Variants in IL1RAPL2 observed in about 807,000 individuals in gnomAD.
The protein encoded by IL1RAPL2 is interleukin 1 receptor accessory protein like 2.
IL1RAPL2 carries 3 observed loss-of-function variants against 44.1 expected under a neutral mutation model. That is an observed-to-expected ratio of 0.07 (90% CI 0.03 to 0.18). The LOEUF (loss-of-function observed/expected upper bound fraction) is 0.18. Ranked by LOEUF, IL1RAPL2 falls within the 10% of genes least tolerant of loss-of-function variation. IL1RAPL2 has a pLI of 1.00. For synonymous variants in IL1RAPL2, 181 were observed against 178.8 expected (o/e 1.01, Z -0.10); for missense variants, 391 against 496.4 (o/e 0.79, Z 2.02).
At chrX:104,854,291 A>T (rs1374221773) in intron 2 of IL1RAPL2, among the ~76,000 whole-genome samples, 1 of 110,666 alleles carries the variant, frequency 9.0e-6, no homozygotes, top group African/African-American at 3.3e-5. Context: ...TTTTTTTTTT[A>T]AAGGTATCAT....
chrX:104,852,464 T>C (rs973889843), intron 2 of IL1RAPL2, among the ~76,000 whole-genome samples: 2 of 112,062 alleles, frequency 1.8e-5, no homozygotes, highest in Non-Finnish European at 1.9e-5. Context: ...CATTATCAGA[T>C]GTTTTTGCAT....
rs755792678 is a variant in IL1RAPL2 at position 105,500,713 on chromosome X, G to C, written c.772+16326G>C. Among the ~76,000 whole-genome samples the C allele has an allele frequency of 1.8e-4, 20 of 111,871 alleles. No homozygotes were observed. In the South Asian group the frequency reaches 7.4e-3, roughly 42 times the overall value. On this transcript the variant is annotated intron_variant, in intron 6 of 10. Coordinates refer to ENST00000372582, the MANE Select transcript of IL1RAPL2 (RefSeq NM_017416.2). The stretch of plus-strand genomic sequence containing the variant: ...ATAACTCTCCCTTACTTGCCCAAAA[G>C]AGAAAATACTAATTCCTTACATTGA...
rs1239986382 is a variant in IL1RAPL2, at chrX:105,057,993, G to A, written c.83-137482G>A. Among the ~76,000 whole-genome samples the A allele has an allele frequency of 7.7e-5, 8 of 103,657 alleles. No homozygotes were observed. The Admixed American group carries it at 8.5e-4, about 11-fold the overall frequency. 90.0% of individuals were successfully genotyped at this position (103,657 alleles called of 115,157 possible). On this transcript the variant is annotated intron_variant, in intron 2 of 10. Transcript: ENST00000372582. ...AGATGGAGTCTCACTCTGTCGCCCA[G>A]GCTGGAGTGCAGTGGTGCGATCTCG...
chrX:105,680,393 T>G (rs2037914197), intron 6 of IL1RAPL2, among the ~76,000 whole-genome samples: 1 of 112,448 alleles, frequency 8.9e-6, no homozygotes, highest in South Asian at 3.7e-4. Flanking sequence ...CTGAGAACCC[T>G]GGAAGCCAGA....
rs188865994 is a variant in IL1RAPL2 at position 105,687,083 on chromosome X, G to A, written c.773-30284G>A. 9.9e-3 allele frequency among the ~76,000 whole-genome samples: 1,104 copies of A among 111,764 alleles called. 22 individuals carry two copies. Among genetic ancestry groups the A allele is most frequent in the African/African-American group, 0.034 (1,053 of 30,752 alleles). Reference sequence around the variant, plus strand: ...GGACACATTTAAAGCAGTATGTAGAGGGAAATTTATAGCACTAAATGCCCA... The same window carrying A: ...GGACACATTTAAAGCAGTATGTAGAAGGAAATTTATAGCACTAAATGCCCA... On this transcript the variant is annotated intron_variant, in intron 6 of 10. Transcript: ENST00000372582.
intron 6 of IL1RAPL2, among the ~76,000 whole-genome samples, chrX:105,555,393 C>T (rs1890489956): frequency 9.0e-6 from 1 of 111,357 alleles, no homozygotes; most frequent in African/African-American, 3.3e-5. Flanking sequence ...TTTCAGGGAT[C>T]AAAGTCCTGT....
intron 2 of IL1RAPL2, among the ~76,000 whole-genome samples, chrX:104,758,572 G>T (rs1000713067): frequency 9.0e-6 from 1 of 111,228 alleles, no homozygotes; most frequent in Admixed American, 9.6e-5. Flanking sequence ...GATGTAGGAC[G>T]GTTGATACAG....
chrX:105,548,808 A>G (rs192902648), intron 6 of IL1RAPL2, among the ~76,000 whole-genome samples: 55 of 112,303 alleles, frequency 4.9e-4, no homozygotes, highest in African/African-American at 1.8e-3. Flanking sequence ...ACATATGTAA[A>G]TGGATTAACA....
chrX:105,330,577 C>A (rs2034978521), intron 5 of IL1RAPL2, among the ~76,000 whole-genome samples: 1 of 111,312 alleles, frequency 9.0e-6, no homozygotes, highest in South Asian at 3.7e-4. Flanking sequence ...CACCATGTTA[C>A]CTAAAAAATA....
chrX:105,613,229 A>G (rs2037349503), intron 6 of IL1RAPL2, among the ~76,000 whole-genome samples: 1 of 111,499 alleles, frequency 9.0e-6, no homozygotes, highest in South Asian at 3.8e-4. Context: ...TCTGAGCCAG[A>G]AGAGAACCCA....
chrX:104,911,210 A>G (rs1924228060), intron 2 of IL1RAPL2, among the ~76,000 whole-genome samples: 1 of 111,911 alleles, frequency 8.9e-6, no homozygotes, highest in Non-Finnish European at 1.9e-5. Context: ...TTTTATTGGA[A>G]AATTTTCTCT....
At chrX:104,593,056 C>T (rs181729596) in intron 1 of IL1RAPL2, among the ~76,000 whole-genome samples, 27 of 111,617 alleles carry the variant, frequency 2.4e-4, no homozygotes, top group Non-Finnish European at 1.7e-4. Context: ...TATCTAGTAA[C>T]ATAGGCAAAA....
chrX:104,904,976 C>G (rs1923941850), intron 2 of IL1RAPL2, among the ~76,000 whole-genome samples: 1 of 111,012 alleles, frequency 9.0e-6, no homozygotes, highest in African/African-American at 3.3e-5. Context: ...TGTTTCCTGA[C>G]TTTTTAATGA....
chrX:105,060,585 C>CTTTTTTTTTTTTTTTTTTTTTTTTTTTCT (rs1161187469), intron 2 of IL1RAPL2, among the ~76,000 whole-genome samples: 1 of 70,170 alleles, frequency 1.4e-5, no homozygotes, highest in Non-Finnish European at 2.7e-5. Flanking sequence ...TTTTCTTTTT[C>CTTTTTTTTTTTTTTTTTTTTTTTTTTTCT]TTTTTTTTTT....
At position 104,618,136 on chromosome X, in the gene IL1RAPL2, G is replaced by A. The variant is rs142847238; in HGVS notation, c.-19-40759G>A. On this transcript the variant is annotated intron_variant, in intron 1 of 10. Transcript: ENST00000372582. ...CACTTTCATAGCCCTATGCACTTTT[G>A]GGGGGCAGGTTTTATATTGGGCTGT... Among the ~76,000 whole-genome samples, 607 of 111,925 alleles carry A rather than the reference G, an allele frequency of 5.4e-3. 5 individuals are homozygous for A. Among genetic ancestry groups the A allele is most frequent in the African/African-American group, 0.019 (574 of 30,805 alleles).
At chrX:104,601,513 A>G (rs900369379) in intron 1 of IL1RAPL2, among the ~76,000 whole-genome samples, 5 of 112,004 alleles carry the variant, frequency 4.5e-5, no homozygotes, top group African/African-American at 1.6e-4. Flanking sequence ...TGGGTAAAGA[A>G]TGATCCTGTC....
intron 1 of IL1RAPL2, among the ~76,000 whole-genome samples, chrX:104,636,270 A>T (rs960857014): frequency 2.7e-5 from 3 of 112,075 alleles, no homozygotes; most frequent in African/African-American, 9.7e-5. Flanking sequence ...GGTGCCTCCC[A>T]GTTAGGCTAC....
intron 2 of IL1RAPL2, among the ~76,000 whole-genome samples, chrX:104,808,161 A>T (rs1012798945): frequency 4.4e-5 from 5 of 112,453 alleles, no homozygotes; most frequent in Admixed American, 3.8e-4. Flanking sequence ...ACTTATTAGG[A>T]AAAATCATTC....
intron 2 of IL1RAPL2, among the ~76,000 whole-genome samples, chrX:104,734,862 A>T (rs1931986288): frequency 8.9e-6 from 1 of 112,249 alleles, no homozygotes; most frequent in Non-Finnish European, 1.9e-5. Flanking sequence ...AAGGTTGATC[A>T]TACATCCTAG....
Sources: gnomAD v4.1 joint callset for allele counts (sites outside exome capture counted in the v4.1 genomes callset) on GRCh38, gnomAD v4.1.1 for gene constraint, MANE v1.5 for transcripts, NCBI Gene and HGNC (gene_info 2026-07-23, HGNC 2026-07-21) for gene names.